CYS1: variants seen among roughly 807,000 people sequenced by gnomAD.
The protein encoded by CYS1 is cystin 1, also known as cystin-1.
Under a neutral mutation model 9.6 loss-of-function variants are expected in CYS1, and 5 were observed. That is an observed-to-expected ratio of 0.52 (90% confidence interval 0.27 to 1.10). The LOEUF is 1.10. CYS1 is among the 50% of genes least tolerant of loss of function. The probability of loss-of-function intolerance (pLI) is 0.11; values close to 1 mark genes in which losing one functional copy is unlikely to be tolerated. For missense variants in CYS1, 221 were observed against 207.9 expected (o/e 1.06, Z -0.39); for synonymous variants, 88 against 95.7 (o/e 0.92, Z 0.47).
chr2:10,074,387 ACCT>A (rs1303347488), intron 1 of CYS1, among the ~76,000 whole-genome samples: 3 of 151,726 alleles, frequency 2.0e-5, no homozygotes, highest in African/African-American at 7.3e-5. Context: ...GGCTCACCTC[ACCT>A]CCTCCTCCAC....
Position 10,057,580 on chromosome 2 carries a change from G to A in CYS1, c.*1273C>T, listed in dbSNP as rs1391884546. ...TGGGCGGGTCAAGCCAGATAACCAG[G>A]CTTGTACTGGCTTCAGCAGAAGCCG... On this transcript the variant is annotated 3_prime_UTR_variant, in exon 3 of 3. Coordinates refer to ENST00000381813, the MANE Select transcript of CYS1 (RefSeq NM_001037160.3). 6.6e-6 allele frequency: 1 copy of A among 152,364 alleles called. No homozygotes were observed. Among genetic ancestry groups the A allele is most frequent in the Non-Finnish European group, 1.5e-5 (1 of 68,154 alleles). 9.4% of individuals were successfully genotyped at this position (152,364 alleles called of 1,614,324 possible).
intron 2 of CYS1, 122 bp from the exon 3 acceptor site, chr2:10,059,080 C>T: frequency 1.2e-6 from 1 of 843,944 alleles, no homozygotes; most frequent in Non-Finnish European, 1.9e-6. Context: ...AAGTCTTTGC[C>T]CTGGGACACC....
At chr2:10,065,112 C>G (rs1262173895) in intron 2 of CYS1, among the ~76,000 whole-genome samples, 1 of 152,152 alleles carries the variant, frequency 6.6e-6, no homozygotes, top group Non-Finnish European at 1.5e-5. Context: ...CGAGACCATG[C>G]CCCTCCCGGG....
rs183913717 is a variant in CYS1 at position 10,076,625 on chromosome 2, C to T, written c.318+3281G>A. Among the ~76,000 whole-genome samples the T allele has an allele frequency of 9.8e-5, 15 of 152,310 alleles. No individual in the cohort carries two copies. The highest frequency in any genetic ancestry group is 2.6e-4 in the African/African-American group (11 of 41,558). On this transcript the variant is annotated intron_variant, in intron 1 of 2. Coordinates refer to ENST00000381813, the MANE Select transcript of CYS1 (RefSeq NM_001037160.3). This position sits in a 1 kb window ranked among gnomAD's most constrained non-coding sequence, Gnocchi z 4.3. ...CTAAGCACCTTCCTCCCTTGGCTTC[C>T]GGATGTTCTCTTGGTTTTCTCCCCT...
In CYS1 at chr2:10,057,927, T is replaced by C. The variant is rs760530985; in HGVS notation, c.*926A>G. 3 of 152,276 alleles carry C rather than the reference T, an allele frequency of 2.0e-5. No homozygotes were observed. Among genetic ancestry groups the C allele is most frequent in the African/African-American group, 4.8e-5 (2 of 41,446 alleles). The allele number at this position is 152,276 out of a possible 1,614,324, so 9.4% of individuals were successfully genotyped here. On this transcript the variant is annotated 3_prime_UTR_variant, in exon 3 of 3. Coordinates refer to ENST00000381813, the MANE Select transcript of CYS1 (RefSeq NM_001037160.3). ...GGCTCTTCCTGCCTCACTGCTGTGG[T>C]TTCCCACCTTCCACCCAGGCAGGAA...
Position 10,076,269 on chromosome 2 carries a change from C to T in CYS1, c.318+3637G>A, listed in dbSNP as rs1010574692. ...TCTCCAAGGGTTCCTTCAAATTTCA[C>T]GAGGGCATCTAATGCTCAAAACCTC... On this transcript the variant is annotated intron_variant, in intron 1 of 2. Coordinates refer to ENST00000381813, the MANE Select transcript of CYS1 (RefSeq NM_001037160.3). The surrounding 1 kb of genome is among the most constrained non-coding windows in gnomAD (Gnocchi z 4.3). Among the ~76,000 whole-genome samples the T allele has an allele frequency of 1.3e-5, 2 of 152,162 alleles. No individual in the cohort carries two copies. The highest frequency in any genetic ancestry group is 6.5e-5 in the Admixed American group (1 of 15,272).
chr2:10,072,814 T>C (rs555202235), intron 1 of CYS1, among the ~76,000 whole-genome samples: 53 of 152,222 alleles, frequency 3.5e-4, no homozygotes, highest in South Asian at 1.4e-3. Context: ...GAAGCTCCAC[T>C]GTAGGGCTTT....
chr2:10,070,319 T>A (rs1366359609), intron 1 of CYS1, among the ~76,000 whole-genome samples: 1 of 152,170 alleles, frequency 6.6e-6, no homozygotes, highest in Non-Finnish European at 1.5e-5. Flanking sequence ...GCGGTCCCCG[T>A]GCTGAGATGG....
chr2:10,080,294 AG>A lies in CYS1; in HGVS notation c.-72del. On this transcript the variant is annotated 5_prime_UTR_variant, in exon 1 of 3. Transcript: ENST00000381813. This position sits in a 1 kb window ranked among gnomAD's most constrained non-coding sequence, Gnocchi z 6.4. The stretch of plus-strand genomic sequence containing the variant: ...GGGCGCGGCCGGGGGCGGGGACGCT[AG>A]GGGGTGCGGCCGGGGCGGGCTGCAG... The A allele has an allele frequency of 1.1e-6, 1 of 915,856 alleles. No homozygotes were observed. The highest frequency in any genetic ancestry group is 6.2e-5 in the Admixed American group (1 of 16,114). The allele number at this position is 915,856 out of a possible 1,614,324, so 56.7% of individuals were successfully genotyped here. A position where few individuals can be genotyped will look rare whatever the true frequency, so the allele number is the denominator to read the frequency against.
chr2:10,068,834 G>A (rs1243528809), intron 1 of CYS1, among the ~76,000 whole-genome samples: 1 of 152,160 alleles, frequency 6.6e-6, no homozygotes, highest in Non-Finnish European at 1.5e-5. Flanking sequence ...GGCCGAGGCG[G>A]GTGGATCGCC....
At chr2:10,060,581 G>A (rs530781601) in intron 2 of CYS1, among the ~76,000 whole-genome samples, 108 of 152,354 alleles carry the variant, frequency 7.1e-4, no homozygotes, top group African/African-American at 2.5e-3. Flanking sequence ...AGCACTGCCC[G>A]CGGCCAGTGC....
intron 1 of CYS1, among the ~76,000 whole-genome samples, chr2:10,079,348 G>A (rs1661905079): frequency 6.6e-6 from 1 of 152,238 alleles, no homozygotes; most frequent in South Asian, 2.1e-4. Flanking sequence ...CAGCTCTGCT[G>A]GAGCGAAGAC....
At position 10,058,482 on chromosome 2, in the gene CYS1, A is replaced by T. The variant is rs1309530903; in HGVS notation, c.*371T>A. ...CCGGAAGTGTTGTGGCGCGGATGCC[A>T]GGAGGGGCTCGCTTGTGTCACCTAG... On this transcript the variant is annotated 3_prime_UTR_variant, in exon 3 of 3. Transcript: ENST00000381813. The T allele has an allele frequency of 1.5e-5, 3 of 196,308 alleles. No individual in the cohort carries two copies. The highest frequency in any genetic ancestry group is 2.3e-5 in the African/African-American group (1 of 43,464). 12.2% of individuals were successfully genotyped at this position (196,308 alleles called of 1,614,324 possible). A position where few individuals can be genotyped will look rare whatever the true frequency, so the allele number is the denominator to read the frequency against.
chr2:10,076,512 C>CGAGTG lies in CYS1; in HGVS notation c.318+3389_318+3393dup, dbSNP rs1389781653. ...TCTCACCAAGGACCTTGAGACCTCC[C>CGAGTG]GAGTGGCTCAATTCAACCACCAGCT... On this transcript the variant is annotated intron_variant, in intron 1 of 2. Transcript: ENST00000381813. This position sits in a 1 kb window ranked among gnomAD's most constrained non-coding sequence, Gnocchi z 4.3. 6.6e-6 allele frequency among the ~76,000 whole-genome samples: 1 copy of CGAGTG among 152,158 alleles called. No homozygotes were observed. Among genetic ancestry groups the CGAGTG allele is most frequent in the Admixed American group, 6.5e-5 (1 of 15,278 alleles).
At chr2:10,066,767 T>C (rs1661702730) in intron 1 of CYS1, among the ~76,000 whole-genome samples, 1 of 152,220 alleles carries the variant, frequency 6.6e-6, no homozygotes, top group Non-Finnish European at 1.5e-5. Flanking sequence ...AAATCCTATG[T>C]TGAATCATCA....
chr2:10,057,697 A>AGCCTGCC lies in CYS1; in HGVS notation c.*1149_*1155dup, dbSNP rs1191164190. 1 of 150,192 alleles carries AGCCTGCC rather than the reference A, an allele frequency of 6.7e-6. No homozygotes were observed. Among genetic ancestry groups the AGCCTGCC allele is most frequent in the Non-Finnish European group, 1.5e-5 (1 of 67,860 alleles). The allele number at this position is 150,192 out of a possible 1,614,324, so 9.3% of individuals were successfully genotyped here. A position where few individuals can be genotyped will look rare whatever the true frequency, so the allele number is the denominator to read the frequency against. ...GATGCCCTGCAGGCTGCTGGGGAGG[A>AGCCTGCC]GCCTGCCGCCTGCCTCCTGCCTCCC... is the stretch of plus-strand genomic sequence containing the variant. On this transcript the variant is annotated 3_prime_UTR_variant, in exon 3 of 3. Coordinates refer to ENST00000381813, the MANE Select transcript of CYS1 (RefSeq NM_001037160.3).
rs1307831201 is a variant in CYS1 at position 10,056,954 on chromosome 2, T to C, written c.*1899A>G. ...AATTCCTGTGACTTCTTAGCTTTGATGAAGTGCATTTACTTTGACATTGAT... is the reference window on the plus strand; with the variant it reads ...AATTCCTGTGACTTCTTAGCTTTGACGAAGTGCATTTACTTTGACATTGAT... On this transcript the variant is annotated 3_prime_UTR_variant, in exon 3 of 3. Transcript: ENST00000381813. 6.6e-6 allele frequency: 1 copy of C among 152,264 alleles called. No individual in the cohort carries two copies. The highest frequency in any genetic ancestry group is 6.5e-5 in the Admixed American group (1 of 15,292). The allele number at this position is 152,264 out of a possible 1,614,324, so 9.4% of individuals were successfully genotyped here.
rs1661574685 is a variant in CYS1, at chr2:10,057,992, G to C, written c.*861C>G. 1 of 152,326 alleles carries C rather than the reference G, an allele frequency of 6.6e-6. No individual in the cohort carries two copies. The highest frequency in any genetic ancestry group is 6.5e-5 in the Admixed American group (1 of 15,286). The allele number at this position is 152,326 out of a possible 1,614,324, so 9.4% of individuals were successfully genotyped here. On this transcript the variant is annotated 3_prime_UTR_variant, in exon 3 of 3. Coordinates refer to ENST00000381813, the MANE Select transcript of CYS1 (RefSeq NM_001037160.3). Reference sequence around the variant, plus strand: ...CCCGCAGGCACTGGCCAGGCTGCCTGTGAGAGGGAGAACTGGAAAGCCAGT... The same window carrying C: ...CCCGCAGGCACTGGCCAGGCTGCCTCTGAGAGGGAGAACTGGAAAGCCAGT...
intron 2 of CYS1, among the ~76,000 whole-genome samples, chr2:10,060,243 G>A (rs1366432625): frequency 6.6e-6 from 1 of 152,254 alleles, no homozygotes; most frequent in Admixed American, 6.5e-5. Context: ...ACCGCCAACT[G>A]CTTTGCCACT....
Sources: allele counts gnomAD v4.1 joint callset (sites outside exome capture counted in the v4.1 genomes callset), GRCh38; gene constraint gnomAD v4.1.1; non-coding constraint Gnocchi (gnomAD v3.1); transcripts MANE v1.5; gene names NCBI Gene and HGNC (gene_info 2026-07-23, HGNC 2026-07-21).